Variants in CPEB4 observed in about 807,000 individuals in gnomAD.
The protein encoded by CPEB4 is cytoplasmic polyadenylation element-binding protein 4.
CPEB4 carries 12 observed loss-of-function variants against 72.5 expected under a neutral mutation model. The observed-to-expected ratio is 0.17, with a 90% CI of 0.11 to 0.27. The LOEUF (loss-of-function observed/expected upper bound fraction) is 0.27, where lower values mean the gene tolerates loss of function less well. CPEB4 is among the 10% of genes least tolerant of loss of function. The probability of loss-of-function intolerance (pLI) is 1.00; values close to 1 mark genes in which losing one functional copy is unlikely to be tolerated. For missense variants in CPEB4, 614 were observed against 908.5 expected, an observed-to-expected ratio of 0.68 and a Z score of 4.17; for synonymous variants, 302 against 326.3, an observed-to-expected ratio of 0.93 and a Z score of 0.80.
At chr5:173,931,481 A>G (rs1474198828) in intron 2 of CPEB4, among the ~76,000 whole-genome samples, 1 of 152,234 alleles carries the variant, frequency 6.6e-6, no homozygotes, top group African/African-American at 2.4e-5. Flanking sequence ...GTAGAGAACT[A>G]ACAACCAGGT....
In CPEB4 at chr5:173,889,931, T is replaced by C. The variant is rs746438907; in HGVS notation, c.198T>C (p.Ala66=). The change falls in exon 1 of 10, where the codon GCT becomes GCC. Residue 66 remains alanine, a synonymous_variant. Coordinates refer to ENST00000265085, the MANE Select transcript of CPEB4 (RefSeq NM_030627.4). ...AGSAWLFPAP[A]THNIQDEILG... ...CAGCTTGGCTTTTTCCTGCTCCAGCTACCCATAACATTCAGGATGAGATCT... is the reference window on the plus strand; with the variant it reads ...CAGCTTGGCTTTTTCCTGCTCCAGCCACCCATAACATTCAGGATGAGATCT... The C allele has an allele frequency of 5.0e-6, 8 of 1,614,148 alleles. No homozygotes were observed. The highest frequency in any genetic ancestry group is 2.2e-5 in the South Asian group (2 of 91,086).
In CPEB4 at chr5:173,889,955, C is replaced by A; in HGVS notation, c.222C>A (p.Ile74=). Residue 74 remains isoleucine, a synonymous_variant, in exon 1 of 10, where the codon ATC becomes ATA. Coordinates refer to ENST00000265085, the MANE Select transcript of CPEB4 (RefSeq NM_030627.4). ...CTACCCATAACATTCAGGATGAGAT[C>A]TTGGGGTCAGAAAAAGCAAAAAGTC... ...APATHNIQDE[I]LGSEKAKSQQ... 6.2e-7 allele frequency: 1 copy of A among 1,614,134 alleles called. No homozygotes were observed. Among genetic ancestry groups the A allele is most frequent in the Non-Finnish European group, 8.5e-7 (1 of 1,180,030 alleles).
At chr5:173,943,384 T>C in intron 4 of CPEB4, among the ~76,000 whole-genome samples, 1 of 152,110 alleles carries the variant, frequency 6.6e-6, no homozygotes, top group East Asian at 1.9e-4. Context: ...AAAAGAAAAA[T>C]ATAGTGACAC....
At position 173,888,377 on chromosome 5, in the gene CPEB4, C is replaced by T. The variant is rs1421191989; in HGVS notation, c.-1357C>T. 3 of 447,882 alleles carry T rather than the reference C, an allele frequency of 6.7e-6. No homozygotes were observed. The highest frequency in any genetic ancestry group is 5.9e-5 in the South Asian group (1 of 16,844). The allele number at this position is 447,882 out of a possible 1,614,324, so 27.7% of individuals were successfully genotyped here. On this transcript the variant is annotated 5_prime_UTR_variant, in exon 1 of 10. Transcript: ENST00000265085. This position sits in a 1 kb window ranked among gnomAD's most constrained non-coding sequence, Gnocchi z 4.3. ...CGGCTCGGTCCTGAGGAGAAGGACT[C>T]AGCCGCGGCTGCGGGACCCGGGCAC...
At chr5:173,939,345 A>G (rs200703085) in intron 3 of CPEB4, among the ~76,000 whole-genome samples, 4 of 5,596 alleles carry the variant, frequency 7.1e-4, no homozygotes, top group South Asian at 7.5e-3. Flanking sequence ...AAATACGTAC[A>G]TACATACATA....
chr5:173,928,754 T>A (rs1428774339), intron 2 of CPEB4, among the ~76,000 whole-genome samples: 1 of 152,192 alleles, frequency 6.6e-6, no homozygotes, highest in East Asian at 1.9e-4. Context: ...CCCATGGCAC[T>A]TTTAATGGAA....
At chr5:173,929,273 C>A (rs1757354683) in intron 2 of CPEB4, among the ~76,000 whole-genome samples, 2 of 152,186 alleles carry the variant, frequency 1.3e-5, no homozygotes, top group Non-Finnish European at 2.9e-5. Flanking sequence ...CGTTTTGTTA[C>A]TGTCAAGTTG....
In CPEB4 at chr5:173,954,008, C is replaced by T. The variant is rs188167245; in HGVS notation, c.1962+736C>T. ...TGGGCACAATGTTTGGTCCAGCTGG[C>T]GATTTTTTTTTCATAGAAAGCCTTT... On this transcript the variant is annotated intron_variant, in intron 9 of 9. Coordinates refer to ENST00000265085, the MANE Select transcript of CPEB4 (RefSeq NM_030627.4). 9.9e-5 allele frequency among the ~76,000 whole-genome samples: 15 copies of T among 151,836 alleles called. No individual in the cohort carries two copies. In the East Asian group the frequency reaches 1.9e-3, roughly 20 times the overall value.
chr5:173,910,664 T>C, intron 2 of CPEB4, 60 bp downstream of exon 2: 1 of 1,071,278 alleles, frequency 9.3e-7, no homozygotes, highest in Non-Finnish European at 1.4e-6. Context: ...GTATTAACTA[T>C]TTAATCTGAT....
At chr5:173,903,338 C>T (rs528418556) in intron 1 of CPEB4, among the ~76,000 whole-genome samples, 1 of 152,130 alleles carries the variant, frequency 6.6e-6, no homozygotes, top group Non-Finnish European at 1.5e-5. Context: ...TACAGTAGTT[C>T]CTGTAGAATA....
chr5:173,904,945 TG>T (rs1342843971), intron 1 of CPEB4, among the ~76,000 whole-genome samples: 1 of 149,210 alleles, frequency 6.7e-6, no homozygotes, highest in African/African-American at 2.5e-5. Flanking sequence ...CACTCCAACT[TG>T]GGCAACAGAG....
rs530572115 is a variant in CPEB4 at position 173,899,940 on chromosome 5, TGAG to T, written c.1125+9086_1125+9088del. 7.2e-5 allele frequency among the ~76,000 whole-genome samples: 11 copies of T among 152,194 alleles called. No homozygotes were observed. The East Asian group carries it at 1.7e-3, about 24-fold the overall frequency. On this transcript the variant is annotated intron_variant, in intron 1 of 9. Coordinates refer to ENST00000265085, the MANE Select transcript of CPEB4 (RefSeq NM_030627.4). Reference sequence around the variant, plus strand: ...TGACCTCCTCTTTGTGCTTGAGTGTTGAGGAGTGCCTTCTGCCCAGGAGATTCT... The same window carrying T: ...TGACCTCCTCTTTGTGCTTGAGTGTTGAGTGCCTTCTGCCCAGGAGATTCT...
chr5:173,912,817 CTA>C lies in CPEB4; in HGVS notation c.1207+2215_1207+2216del, dbSNP rs1581126046. 2.0e-5 allele frequency among the ~76,000 whole-genome samples: 3 copies of C among 149,322 alleles called. 1 individual carries two copies. In the East Asian group the frequency reaches 5.9e-4, roughly 29 times the overall value. On this transcript the variant is annotated intron_variant, in intron 2 of 9. Transcript: ENST00000265085. ...ATTAGCCAGGCATAGCAACCCACAC[CTA>C]TGTTCCCAGTTACATGGGACGCTGA...
chr5:173,905,325 T>G (rs1191767339), intron 1 of CPEB4, among the ~76,000 whole-genome samples: 1 of 152,058 alleles, frequency 6.6e-6, no homozygotes, highest in Admixed American at 6.6e-5. Context: ...GTAGCATAAT[T>G]AAAATGCCAT....
Position 173,897,386 on chromosome 5 carries a change from T to C in CPEB4, c.1125+6528T>C, listed in dbSNP as rs1217263975. ...TATGAAAGGGTGCCATAGATTTGAATTGAGAATAGTTTGGCTTTTATCCTG... is the reference window on the plus strand; with the variant it reads ...TATGAAAGGGTGCCATAGATTTGAACTGAGAATAGTTTGGCTTTTATCCTG... On this transcript the variant is annotated intron_variant, in intron 1 of 9. Transcript: ENST00000265085. Among the ~76,000 whole-genome samples the C allele has an allele frequency of 2.0e-5, 3 of 152,308 alleles. No individual in the cohort carries two copies. In the East Asian group the frequency reaches 5.8e-4, roughly 29 times the overall value.
chr5:173,930,807 T>C (rs56281418), intron 2 of CPEB4, among the ~76,000 whole-genome samples: 33,689 of 151,618 alleles, frequency 0.22, 4,954 homozygotes, highest in Non-Finnish European at 0.31. Context: ...GCTAACACAG[T>C]GAAACCCCGT....
Position 173,949,984 on chromosome 5 carries a change from A to G in CPEB4, c.1571A>G (p.Asp524Gly), listed in dbSNP as rs1464370316. The change falls in exon 7 of 10, where the codon GAT (aspartate) becomes GGT (glycine). Residue 524 changes from aspartate to glycine, a missense_variant. By Grantham distance (94) the Asp-to-Gly change is moderately conservative. Around this residue, in one of 5 missense-constraint regions of CPEB4, gnomAD observed 25 missense variants for 68.9 expected, o/e 0.36. Coordinates refer to ENST00000265085, the MANE Select transcript of CPEB4 (RefSeq NM_030627.4). ...PKGYAFLLFQ[D>G]ESSVQALIDA... The stretch of plus-strand genomic sequence containing the variant: ...GGCTATGCATTCCTGCTGTTTCAAG[A>G]TGAAAGCTCTGTGCAGGCTCTCATT... 1 of 1,609,910 alleles carries G rather than the reference A, an allele frequency of 6.2e-7. No homozygotes were observed. The highest frequency in any genetic ancestry group is 8.5e-7 in the Non-Finnish European group (1 of 1,178,602).
At chr5:173,905,879 T>G (rs1384048795) in intron 1 of CPEB4, among the ~76,000 whole-genome samples, 2 of 152,154 alleles carry the variant, frequency 1.3e-5, no homozygotes, top group Non-Finnish European at 2.9e-5. Context: ...ACATCAGAGA[T>G]CCAATCAAAC....
Position 173,960,970 on chromosome 5 carries a change from A to C in CPEB4, c.*4833A>C, listed in dbSNP as rs1462813550. ...ACTTTTAACATAAGGATTTATTATA[A>C]CAAAATATAACACTGAGAATATCCT... is the stretch of plus-strand genomic sequence containing the variant. On this transcript the variant is annotated 3_prime_UTR_variant, in exon 10 of 10. Coordinates refer to ENST00000265085, the MANE Select transcript of CPEB4 (RefSeq NM_030627.4). The C allele has an allele frequency of 1.3e-5, 2 of 152,244 alleles. No homozygotes were observed. The highest frequency in any genetic ancestry group is 2.9e-5 in the Non-Finnish European group (2 of 68,040). The allele number at this position is 152,244 out of a possible 1,614,324, so 9.4% of individuals were successfully genotyped here.
Sources: allele counts gnomAD v4.1 joint callset (sites outside exome capture counted in the v4.1 genomes callset), GRCh38; gene constraint gnomAD v4.1.1; regional missense constraint gnomAD v4.1.1; non-coding constraint Gnocchi (gnomAD v3.1); transcripts MANE v1.5; gene names NCBI Gene and HGNC (gene_info 2026-07-23, HGNC 2026-07-21).